The following IL1R2 variants were observed in gnomAD, a reference collection of about 807,000 sequenced individuals.
IL1R2 encodes the protein interleukin-1 receptor type 2.
In IL1R2, 46 loss-of-function variants were observed where a neutral mutation model predicts 39.5. The observed-to-expected ratio is 1.16, with a 90% CI of 0.92 to 1.49. The LOEUF (loss-of-function observed/expected upper bound fraction) is 1.49, where lower values mean the gene tolerates loss of function less well. Among genes scored for constraint, IL1R2 ranks in the 40% most tolerant of loss-of-function variants. IL1R2 has a pLI of 0.00. For synonymous variants in IL1R2, 207 were observed against 189.6 expected (o/e 1.09, Z -0.75); for missense variants, 537 against 502.0 (o/e 1.07, Z -0.67).
chr2:102,018,425 A>G (rs1298210232), intron 4 of IL1R2, among the ~76,000 whole-genome samples: 1 of 152,198 alleles, frequency 6.6e-6, no homozygotes, highest in Non-Finnish European at 1.5e-5. Flanking sequence ...TAAAGTGGCA[A>G]TTAATAACTT....
intron 1 of IL1R2, among the ~76,000 whole-genome samples, chr2:102,003,248 CT>C (rs1451061588): frequency 6.6e-6 from 1 of 151,066 alleles, no homozygotes; most frequent in Non-Finnish European, 1.5e-5. Context: ...GTGTCTGTGT[CT>C]GTGTCGGTGT....
In IL1R2 at chr2:102,015,994, C is replaced by T; in HGVS notation, c.456C>T (p.Cys152=). 1 of 1,613,956 alleles carries T rather than the reference C, an allele frequency of 6.2e-7. No homozygotes were observed. The highest frequency in any genetic ancestry group is 8.5e-7 in the Non-Finnish European group (1 of 1,179,846). Reference sequence around the variant, plus strand: ...TGTCAACCTCTGGGGTATTAGTATGCCCTGACCTGAGTGAATTCACCCGTG... The same window carrying T: ...TGTCAACCTCTGGGGTATTAGTATGTCCTGACCTGAGTGAATTCACCCGTG... The part of the protein sequence containing the change: ...LTLSTSGVLV[C]PDLSEFTRDK... The change falls in exon 4 of 9, where the codon TGC becomes TGT. Residue 152 remains cysteine, a synonymous_variant. Transcript: ENST00000332549.
chr2:102,000,388 C>T (rs1482721990), intron 1 of IL1R2, among the ~76,000 whole-genome samples: 1 of 152,170 alleles, frequency 6.6e-6, no homozygotes, highest in African/African-American at 2.4e-5. Context: ...ACTTCTCTGT[C>T]CAGGTACACT....
At position 102,015,751 on chromosome 2, in the gene IL1R2, G is replaced by A. The variant is rs562628637; in HGVS notation, c.333-120G>A. On this transcript the variant is annotated intron_variant, in intron 3 of 8. Transcript: ENST00000332549. Reference sequence around the variant, plus strand: ...ACCATCTTATGTCGGGAAACCATCTGTACTAATCCAGAAAATGCAGATGCA... The same window carrying A: ...ACCATCTTATGTCGGGAAACCATCTATACTAATCCAGAAAATGCAGATGCA... The A allele has an allele frequency of 1.4e-5, 11 of 791,338 alleles. No individual in the cohort carries two copies. In the Admixed American group the frequency reaches 2.6e-4, roughly 18 times the overall value. 49.0% of individuals were successfully genotyped at this position (791,338 alleles called of 1,614,324 possible). A position where few individuals can be genotyped will look rare whatever the true frequency, so the allele number is the denominator to read the frequency against.
Position 102,022,367 on chromosome 2 carries a change from CT to C in IL1R2, c.751+119del, listed in dbSNP as rs1677458139. 4.9e-6 allele frequency: 4 copies of C among 815,582 alleles called. No homozygotes were observed. The South Asian group carries it at 5.8e-5, about 12-fold the overall frequency. 50.5% of individuals were successfully genotyped at this position (815,582 alleles called of 1,614,324 possible). ...TACCTGCTCCTTGGGTGCAATGTGCCTGGGTGGAGACCTTAGAACTCCAGTG... is the reference window on the plus strand; with the variant it reads ...TACCTGCTCCTTGGGTGCAATGTGCCGGGTGGAGACCTTAGAACTCCAGTG... On this transcript the variant is annotated intron_variant, in intron 6 of 8. Transcript: ENST00000332549.
At chr2:102,010,685 G>A (rs994468309) in intron 3 of IL1R2, among the ~76,000 whole-genome samples, 4 of 152,048 alleles carry the variant, frequency 2.6e-5, no homozygotes, top group Non-Finnish European at 4.4e-5. Context: ...TCTGGAGCCC[G>A]AGTCTCCTGA....
In IL1R2 at chr2:102,026,173, GA is replaced by G. The variant is rs1559431860; in HGVS notation, c.951del (p.Glu318ArgfsTer15). Reference sequence around the variant, plus strand: ...CCATTGATTTTTGATCCTGTCACAAGAGAGGATTTGCACATGGATTTTAAAT... The same window carrying G: ...CCATTGATTTTTGATCCTGTCACAAGGAGGATTTGCACATGGATTTTAAAT... Reference protein sequence around the residue: ...EVPLIFDPVTREDLHMDFKCV... With the variant: ...EVPLIFDPVTXEDLHMDFKCV... On this transcript the variant is annotated frameshift_variant, in exon 8 of 9. Coordinates refer to ENST00000332549, the MANE Select transcript of IL1R2 (RefSeq NM_004633.4). LOFTEE classifies it high-confidence loss of function. 1 of 1,612,218 alleles carries G rather than the reference GA, an allele frequency of 6.2e-7. No homozygotes were observed.
At chr2:102,025,318 G>T (rs1041815031) in intron 7 of IL1R2, among the ~76,000 whole-genome samples, 2 of 152,174 alleles carry the variant, frequency 1.3e-5, no homozygotes, top group Admixed American at 1.3e-4. Context: ...CTTGCCAAAT[G>T]GTTGTGTTTT....
intron 1 of IL1R2, among the ~76,000 whole-genome samples, chr2:101,997,620 T>A (rs1227834783): frequency 1.3e-5 from 2 of 152,182 alleles, no homozygotes; most frequent in African/African-American, 4.8e-5. Flanking sequence ...TCAGCCCAGA[T>A]CTCAGTTTAC....
intron 7 of IL1R2, among the ~76,000 whole-genome samples, chr2:102,025,779 G>A (rs1395480747): frequency 6.6e-6 from 1 of 152,156 alleles, no homozygotes; most frequent in African/African-American, 2.4e-5. Context: ...CCTCAAACTA[G>A]ACGTTTCTGT....
chr2:102,022,239 A>C lies in IL1R2; in HGVS notation c.741A>C (p.Ser247=). 1 of 1,613,562 alleles carries C rather than the reference A, an allele frequency of 6.2e-7. No individual in the cohort carries two copies. The highest frequency in any genetic ancestry group is 8.5e-7 in the Non-Finnish European group (1 of 1,179,434). ...TCATTTCCCCCCTCAAGACCATATC[A>C]GCTTCTCTGGGTAAGGCCCACAAGG... The part of the protein sequence containing the change: ...PVIISPLKTI[S]ASLGSRLTIP... The change falls in exon 6 of 9, where the codon TCA becomes TCC. Residue 247 remains serine (S), a synonymous_variant. Coordinates refer to ENST00000332549, the MANE Select transcript of IL1R2 (RefSeq NM_004633.4).
chr2:102,019,568 A>T (rs2072480), intron 4 of IL1R2, 70 bp from the exon 5 acceptor site: 141,583 of 1,066,660 alleles, frequency 0.13, 11,357 homozygotes, highest in East Asian at 0.31. Context: ...GTTGATAATG[A>T]TGATGTAATT....
rs1283196491 is a variant in IL1R2 at position 102,015,863 on chromosome 2, T to C, written c.333-8T>C. 6.2e-7 allele frequency: 1 copy of C among 1,604,868 alleles called. No homozygotes were observed. The highest frequency in any genetic ancestry group is 1.3e-5 in the African/African-American group (1 of 74,708). On this transcript the variant is annotated splice_polypyrimidine_tract_variant and splice_region_variant and intron_variant, in intron 3 of 8. Transcript: ENST00000332549. ...TGCCATTTATCTTTTTTTTCCCTTT[T>C]AAATCAGAAATGCTTCTTACTGTGA...
Position 102,028,334 on chromosome 2 carries a change from C to T in IL1R2, c.1139C>T (p.Ala380Val). The change falls in exon 9 of 9, where the codon GCA becomes GTA. Residue 380 changes from alanine to valine, a missense_variant. By Grantham distance (64) the Ala-to-Val change is moderately conservative (BLOSUM62 0). Coordinates refer to ENST00000332549, the MANE Select transcript of IL1R2 (RefSeq NM_004633.4). ...CGGTGCAAACACAGAACTGGAAAAG[C>T]AGATGGTCTGACTGTGCTATGGCCT... ...HRRCKHRTGK[A>V]DGLTVLWPHH... The T allele has an allele frequency of 6.2e-7, 1 of 1,611,080 alleles. No individual in the cohort carries two copies. The highest frequency in any genetic ancestry group is 1.7e-5 in the Admixed American group (1 of 59,290).
At chr2:102,026,359 C>T (rs999004196) in intron 8 of IL1R2, 106 bp downstream of exon 8, 21 of 932,176 alleles carry the variant, frequency 2.3e-5, no homozygotes, top group Middle Eastern at 2.3e-4. Context: ...TAGAAATTCC[C>T]TTGCATTGTC....
chr2:102,014,966 A>AATC (rs1233380331), intron 3 of IL1R2, among the ~76,000 whole-genome samples: 2 of 144,048 alleles, frequency 1.4e-5, no homozygotes, highest in Non-Finnish European at 3.0e-5. Flanking sequence ...TAATAATAAT[A>AATC]ATAATAATAA....
intron 1 of IL1R2, among the ~76,000 whole-genome samples, chr2:101,994,366 C>A (rs4851522): frequency 5.3e-5 from 8 of 152,004 alleles, no homozygotes; most frequent in African/African-American, 1.9e-4. Flanking sequence ...CTAGCAGCAA[C>A]AGGACTGAAG....
chr2:102,019,700 A>C lies in IL1R2; in HGVS notation c.576A>C (p.Leu192Phe), dbSNP rs1442890229. ...TAAGTGTGAGGGGGACCACTCACTT[A>C]CTCGTACACGATGTGGCCCTGGAAG... ...KFLSVRGTTH[L>F]LVHDVALEDA... Residue 192 changes from leucine (L) to phenylalanine (F), a missense_variant, in exon 5 of 9, where the codon TTA (leucine) becomes TTC (phenylalanine). Transcript: ENST00000332549. 1.9e-6 allele frequency: 3 copies of C among 1,613,664 alleles called. No homozygotes were observed. The highest frequency in any genetic ancestry group is 4.5e-5 in the East Asian group (2 of 44,892).
At position 102,009,692 on chromosome 2, in the gene IL1R2, C is replaced by T; in HGVS notation, c.198C>T (p.Asn66=). 6.2e-7 allele frequency: 1 copy of T among 1,614,202 alleles called. No homozygotes were observed. Among genetic ancestry groups the T allele is most frequent in the Non-Finnish European group, 8.5e-7 (1 of 1,180,046 alleles). The part of the protein sequence containing the change: ...WLWASVSPRI[N]LTWHKNDSAR... ...GGGCCTCTGTCAGCCCCCGCATCAACCTGACATGGCATAAAAATGACTCTG... is the reference window on the plus strand; with the variant it reads ...GGGCCTCTGTCAGCCCCCGCATCAATCTGACATGGCATAAAAATGACTCTG... The change falls in exon 3 of 9, where the codon AAC becomes AAT. Residue 66 remains asparagine, a synonymous_variant. Transcript: ENST00000332549.
Sources: gnomAD v4.1 joint callset for allele counts (sites outside exome capture counted in the v4.1 genomes callset) on GRCh38, gnomAD v4.1.1 for gene constraint, MANE v1.5 for transcripts, NCBI Gene and HGNC (gene_info 2026-07-23, HGNC 2026-07-21) for gene names.